The following LRRC37A2 variants were observed in gnomAD, a reference collection of about 807,000 sequenced individuals.
LRRC37A2 encodes leucine rich repeat containing 37 member A2, also known as leucine-rich repeat-containing protein 37A2.
A neutral mutation model predicts 68.8 loss-of-function variants in LRRC37A2; 9 were observed. The observed-to-expected ratio is 0.13, with a 90% confidence interval of 0.08 to 0.23. The LOEUF (loss-of-function observed/expected upper bound fraction) is 0.23. Among genes scored for constraint, LRRC37A2 ranks in the 10% least tolerant of loss-of-function variants. LRRC37A2 has a pLI of 1.00. For missense variants in LRRC37A2, 168 were observed against 950.4 expected, an observed-to-expected ratio of 0.18 and a Z score of 10.82; for synonymous variants, 63 against 367.6, an observed-to-expected ratio of 0.17 and a Z score of 9.48.
the LRRC37A2 span, among the ~76,000 whole-genome samples, chr17:46,928,887 A>G: frequency 1.3e-5 from 2 of 152,064 alleles, no homozygotes; most frequent in South Asian, 2.1e-4. Flanking sequence ...CCATCCACAT[A>G]ACTTACCTGG....
the LRRC37A2 span, among the ~76,000 whole-genome samples, chr17:46,915,946 C>T: frequency 6.6e-6 from 1 of 152,242 alleles, no homozygotes; most frequent in Admixed American, 6.5e-5. Flanking sequence ...ACTAACAGTT[C>T]ACCACCAACC....
At chr17:46,869,263 C>G in the LRRC37A2 span, among the ~76,000 whole-genome samples, 1 of 152,194 alleles carries the variant, frequency 6.6e-6, no homozygotes, top group Non-Finnish European at 1.5e-5. Context: ...ATCTCAGGGT[C>G]CATTAGATGA....
At chr17:46,951,620 A>G in the LRRC37A2 span, among the ~76,000 whole-genome samples, 1 of 152,096 alleles carries the variant, frequency 6.6e-6, no homozygotes, top group African/African-American at 2.4e-5. Flanking sequence ...ACCCTACTCC[A>G]TTCTTCCGGA....
the LRRC37A2 span, among the ~76,000 whole-genome samples, chr17:46,992,351 G>A: frequency 1.3e-5 from 2 of 151,290 alleles, no homozygotes; most frequent in Non-Finnish European, 3.0e-5. Flanking sequence ...CTGGGCAACA[G>A]AGCAAGACTC....
chr17:46,839,154 A>G, the LRRC37A2 span, among the ~76,000 whole-genome samples: 3 of 152,260 alleles, frequency 2.0e-5, no homozygotes, highest in Non-Finnish European at 2.9e-5. Flanking sequence ...CTGGGATTAC[A>G]GGCGTGAGCC....
At chr17:46,934,506 A>G in the LRRC37A2 span, among the ~76,000 whole-genome samples, 1 of 152,118 alleles carries the variant, frequency 6.6e-6, no homozygotes, top group Non-Finnish European at 1.5e-5. Context: ...TGGGTGACAG[A>G]GGGAAACCCT....
At chr17:46,455,667 C>G in the LRRC37A2 span, among the ~76,000 whole-genome samples, 1 of 140,072 alleles carries the variant, frequency 7.1e-6, no homozygotes, top group Non-Finnish European at 1.6e-5. Flanking sequence ...CATGGCGACA[C>G]ACTATTTATA....
chr17:46,851,538 C>A, the LRRC37A2 span: 1 of 572,114 alleles, frequency 1.7e-6, no homozygotes, highest in Non-Finnish European at 2.5e-6. The surrounding 1 kb of genome is among the most constrained non-coding windows in gnomAD (Gnocchi z 4.3). Flanking sequence ...GCGCCGCCTG[C>A]CCCGCCCCAC....
At chr17:46,770,551 A>T in the LRRC37A2 span, among the ~76,000 whole-genome samples, 1 of 151,950 alleles carries the variant, frequency 6.6e-6, no homozygotes, top group Admixed American at 6.5e-5. Context: ...ATGCATAGGG[A>T]CGGCCCCTCT....
the LRRC37A2 span, among the ~76,000 whole-genome samples, chr17:46,887,558 A>G: frequency 1.3e-5 from 2 of 152,152 alleles, no homozygotes; most frequent in Non-Finnish European, 2.9e-5. Context: ...TGAGGTCAGG[A>G]GTTTGAGACC....
chr17:46,836,095 C>CGTGTGTGTGTGTGTGT, the LRRC37A2 span, among the ~76,000 whole-genome samples: 11,303 of 126,284 alleles, frequency 0.09, 771 homozygotes, highest in East Asian at 0.17. Context: ...GAGACGCTGA[C>CGTGTGTGTGTGTGTGT]GTGTGTGTGT....
chr17:46,859,100 C>T, the LRRC37A2 span, among the ~76,000 whole-genome samples: 1 of 151,924 alleles, frequency 6.6e-6, no homozygotes, highest in African/African-American at 2.4e-5. Context: ...ACTCAGCCTC[C>T]TGAGTAGCTG....
the LRRC37A2 span, among the ~76,000 whole-genome samples, chr17:47,015,030 T>C: frequency 8.8e-6 from 1 of 113,884 alleles, no homozygotes; most frequent in African/African-American, 3.3e-5. Flanking sequence ...TTTTTTGAGA[T>C]GGAGTCTCAC....
the LRRC37A2 span, among the ~76,000 whole-genome samples, chr17:47,022,186 C>T: frequency 0.8 from 16,732 of 20,954 alleles, 6,790 homozygotes; most frequent in South Asian, 0.93. Context: ...TTTTTTTTTT[C>T]CAGAGACAGG....
the LRRC37A2 span, among the ~76,000 whole-genome samples, chr17:46,942,762 C>T: frequency 0.39 from 59,545 of 152,144 alleles, 12,085 homozygotes; most frequent in South Asian, 0.48. Context: ...TGCCTTAGGC[C>T]TGCTGTACTT....
the LRRC37A2 span, among the ~76,000 whole-genome samples, chr17:46,780,088 C>T: frequency 6.6e-6 from 1 of 152,204 alleles, no homozygotes; most frequent in Non-Finnish European, 1.5e-5. Context: ...CATTTTTAAT[C>T]AGTGAATTCA....
chr17:47,020,095 C>T, the LRRC37A2 span, among the ~76,000 whole-genome samples: 2 of 150,998 alleles, frequency 1.3e-5, no homozygotes, highest in South Asian at 2.1e-4. Flanking sequence ...ACCCTCTTTA[C>T]AGCAGCCTGT....
At chr17:46,942,785 A>G in the LRRC37A2 span, among the ~76,000 whole-genome samples, 1 of 152,230 alleles carries the variant, frequency 6.6e-6, no homozygotes, top group African/African-American at 2.4e-5. Flanking sequence ...AAGCTGAGAA[A>G]GGAAAGTGTC....
chr17:46,769,391 G>C, the LRRC37A2 span, among the ~76,000 whole-genome samples: 2 of 152,152 alleles, frequency 1.3e-5, no homozygotes, highest in African/African-American at 4.8e-5. Flanking sequence ...GGGAAACTGA[G>C]GCTGGGAACT....
Sources: allele counts gnomAD v4.1 joint callset (sites outside exome capture counted in the v4.1 genomes callset), GRCh38; gene constraint gnomAD v4.1.1; non-coding constraint Gnocchi (gnomAD v3.1); transcripts MANE v1.5; gene names NCBI Gene and HGNC (gene_info 2026-07-23, HGNC 2026-07-21).